The following CRACDL variants were observed in gnomAD, a reference collection of about 807,000 sequenced individuals.
The protein encoded by CRACDL is CRACD like, also known as CRACD-like protein.
In CRACDL, 26 loss-of-function variants were observed where a neutral mutation model predicts 70.6. The observed-to-expected ratio is 0.37, with a 90% CI of 0.27 to 0.51. The LOEUF (loss-of-function observed/expected upper bound fraction) is 0.51, where lower values mean the gene tolerates loss of function less well. Ranked by LOEUF, CRACDL falls within the 20% of genes least tolerant of loss-of-function variation. The pLI is 0.94. For missense variants in CRACDL, 1,283 were observed against 1,376.9 expected (o/e 0.93, Z 1.08); for synonymous variants, 618 against 615.2 (o/e 1.00, Z -0.07).
At chr2:98,911,399 G>A (rs1267126785) in intron 1 of CRACDL, among the ~76,000 whole-genome samples, 2 of 152,208 alleles carry the variant, frequency 1.3e-5, no homozygotes, top group African/African-American at 2.4e-5. Flanking sequence ...TTAGCAAGGG[G>A]CCTCCACATG....
At chr2:98,841,333 T>A (rs1342955342) in intron 2 of CRACDL, among the ~76,000 whole-genome samples, 1 of 152,158 alleles carries the variant, frequency 6.6e-6, no homozygotes, top group Admixed American at 6.5e-5. Flanking sequence ...TCTATCATCT[T>A]ATGTGTTTTT....
At chr2:98,868,372 A>ATAT (rs376896517) in intron 1 of CRACDL, among the ~76,000 whole-genome samples, 57,305 of 152,068 alleles carry the variant, frequency 0.38, 11,301 homozygotes, top group African/African-American at 0.49. Flanking sequence ...GTACTGACAG[A>ATAT]GACTGCCCTA....
chr2:98,905,899 G>A (rs1449531614), intron 1 of CRACDL, among the ~76,000 whole-genome samples: 2 of 152,112 alleles, frequency 1.3e-5, no homozygotes, highest in Non-Finnish European at 2.9e-5. Flanking sequence ...TTACAGGCGT[G>A]AGTCACCATG....
chr2:98,853,478 T>C (rs1160816751), intron 1 of CRACDL, among the ~76,000 whole-genome samples: 1 of 152,112 alleles, frequency 6.6e-6, no homozygotes, highest in East Asian at 1.9e-4. Flanking sequence ...ACTACACTTT[T>C]CTAAAAAGTG....
rs1015554225 is a variant in CRACDL, at chr2:98,823,326, G to C, written c.947C>G (p.Ser316Cys). 6.7e-7 allele frequency: 1 copy of C among 1,481,818 alleles called. No homozygotes were observed. The highest frequency in any genetic ancestry group is 1.4e-5 in the African/African-American group (1 of 70,612). The allele number at this position is 1,481,818 out of a possible 1,614,324, so 91.8% of individuals were successfully genotyped here. ...RARRARLQHS[S>C]ALTASVEEGG... Reference sequence around the variant, plus strand: ...CTCCTCCACGCTGGCCGTGAGCGCGGAGGAGTGCTGCAGGCGGGCGCGTCT... The same window carrying C: ...CTCCTCCACGCTGGCCGTGAGCGCGCAGGAGTGCTGCAGGCGGGCGCGTCT... Residue 316 changes from serine to cysteine, a missense_variant, in exon 7 of 10, where the codon TCC (serine) becomes TGC (cysteine). Physicochemically the swap from Ser to Cys is moderately radical, Grantham distance 112. This residue lies in a region of CRACDL where 362 missense variants were observed against 495.0 expected (regional missense o/e 0.73). Transcript: ENST00000397899. The surrounding 1 kb of genome is among the most constrained non-coding windows in gnomAD (Gnocchi z 4.0).
At position 98,822,103 on chromosome 2, in the gene CRACDL, T is replaced by G. The variant is rs1387236594; in HGVS notation, c.2170A>C (p.Lys724Gln). 1 of 1,570,838 alleles carries G rather than the reference T, an allele frequency of 6.4e-7. No individual in the cohort carries two copies. The highest frequency in any genetic ancestry group is 1.4e-5 in the African/African-American group (1 of 73,888). ...GTCCCGAGGGGACACTTCTCCTCCT[T>G]CGGGAGCACGGTCAGCGACCTTTCT... is the stretch of plus-strand genomic sequence containing the variant. ...RLERSLTVLPKEEKCPLGTAP... is the reference protein window; with the variant it reads ...RLERSLTVLPQEEKCPLGTAP... The change falls in exon 7 of 10, where the codon AAG (lysine) becomes CAG (glutamine). Residue 724 changes from lysine (K) to glutamine (Q), a missense_variant. Lys to Gln is a moderately conservative substitution (Grantham distance 53). Around this residue, in one of 2 missense-constraint regions of CRACDL, gnomAD observed 921 missense variants for 881.9 expected, o/e 1.04. Transcript: ENST00000397899. This position sits in a 1 kb window ranked among gnomAD's most constrained non-coding sequence, Gnocchi z 4.9.
chr2:98,835,997 G>A (rs955852473), intron 3 of CRACDL, among the ~76,000 whole-genome samples: 2 of 152,148 alleles, frequency 1.3e-5, no homozygotes, highest in African/African-American at 4.8e-5. Context: ...TGGATCCATC[G>A]AATGATGTAC....
intron 2 of CRACDL, among the ~76,000 whole-genome samples, chr2:98,842,286 C>T (rs146603681): frequency 1.3e-4 from 20 of 151,392 alleles, no homozygotes; most frequent in East Asian, 5.8e-4. Context: ...GTTATAACCA[C>T]GCATTTTAAT....
chr2:98,808,086 T>C (rs894261254), intron 7 of CRACDL, among the ~76,000 whole-genome samples: 1 of 152,230 alleles, frequency 6.6e-6, no homozygotes, highest in Non-Finnish European at 1.5e-5. Context: ...TACATTTACA[T>C]TTAAACAGCC....
chr2:98,890,928 G>C (rs1273464435), intron 1 of CRACDL, among the ~76,000 whole-genome samples: 1 of 151,502 alleles, frequency 6.6e-6, no homozygotes, highest in African/African-American at 2.4e-5. Context: ...ATGGTGGTGG[G>C]CACCTGTAAT....
chr2:98,934,112 G>C (rs1275079969), intron 1 of CRACDL, among the ~76,000 whole-genome samples: 1 of 151,842 alleles, frequency 6.6e-6, no homozygotes, highest in Non-Finnish European at 1.5e-5. Flanking sequence ...ATGAATTTTT[G>C]GGGGGACACA....
intron 1 of CRACDL, among the ~76,000 whole-genome samples, chr2:98,932,549 C>T (rs1237903607): frequency 2.6e-5 from 4 of 152,098 alleles, no homozygotes; most frequent in Non-Finnish European, 5.9e-5. Flanking sequence ...TAAATAGGAA[C>T]GGTGGTTTGG....
intron 1 of CRACDL, chr2:98,869,152 C>T (rs1190976358): frequency 1.5e-6 from 2 of 1,304,388 alleles, no homozygotes; most frequent in East Asian, 1.1e-4. Flanking sequence ...GCTCTCTCAT[C>T]CTCCTGGAAG....
In CRACDL at chr2:98,823,719, T is replaced by C. The variant is rs1705194626; in HGVS notation, c.736-182A>G. The stretch of plus-strand genomic sequence containing the variant: ...CTGTATCCTACTGGTCTACTTGGGC[T>C]CACAAGTTTATCAGGACAATGGCAG... On this transcript the variant is annotated intron_variant, in intron 6 of 9. Coordinates refer to ENST00000397899, the MANE Select transcript of CRACDL (RefSeq NM_207362.3). This position sits in a 1 kb window ranked among gnomAD's most constrained non-coding sequence, Gnocchi z 4.0. Among the ~76,000 whole-genome samples the C allele has an allele frequency of 6.6e-6, 1 of 152,206 alleles. No homozygotes were observed. Among genetic ancestry groups the C allele is most frequent in the South Asian group, 2.1e-4 (1 of 4,834 alleles).
intron 7 of CRACDL, among the ~76,000 whole-genome samples, chr2:98,818,165 T>A (rs911568639): frequency 6.6e-6 from 1 of 152,218 alleles, no homozygotes; most frequent in African/African-American, 2.4e-5. Flanking sequence ...CTGGGCCATT[T>A]ACTTCCTACG....
At chr2:98,805,303 C>T (rs533722795) in intron 7 of CRACDL, among the ~76,000 whole-genome samples, 2 of 152,242 alleles carry the variant, frequency 1.3e-5, no homozygotes, top group South Asian at 2.1e-4. Flanking sequence ...AACAAAACCC[C>T]CCCTAAGACA....
At chr2:98,895,436 C>G (rs1268231475) in intron 1 of CRACDL, among the ~76,000 whole-genome samples, 1 of 152,080 alleles carries the variant, frequency 6.6e-6, no homozygotes. Context: ...AAATACGGTG[C>G]GTGGGAAGGA....
intron 2 of CRACDL, among the ~76,000 whole-genome samples, chr2:98,844,226 T>C (rs1001564975): frequency 6.6e-6 from 1 of 152,218 alleles, no homozygotes; most frequent in South Asian, 2.1e-4. Flanking sequence ...ATAGAGATAG[T>C]TTTATTTCTT....
chr2:98,935,693 G>A (rs1709188129), intron 1 of CRACDL, among the ~76,000 whole-genome samples: 1 of 152,222 alleles, frequency 6.6e-6, no homozygotes, highest in Admixed American at 6.5e-5. Flanking sequence ...GTCCAGCAAA[G>A]TGAGCAAAGG....
Sources: gnomAD v4.1 joint callset for allele counts (sites outside exome capture counted in the v4.1 genomes callset) on GRCh38, gnomAD v4.1.1 for gene constraint, gnomAD v4.1.1 regional missense constraint, Gnocchi (gnomAD v3.1) non-coding constraint, MANE v1.5 for transcripts, NCBI Gene and HGNC (gene_info 2026-07-23, HGNC 2026-07-21) for gene names.